Variants in SGK3 observed in about 807,000 individuals in gnomAD.
SGK3 encodes the protein serine/threonine-protein kinase Sgk3.
In SGK3, 47 loss-of-function variants were observed where a neutral mutation model predicts 68.5. The observed-to-expected ratio is 0.69, with a 90% CI of 0.54 to 0.87. The LOEUF (loss-of-function observed/expected upper bound fraction) is 0.87, where lower values mean the gene tolerates loss of function less well. Ranked by LOEUF, SGK3 falls within the 40% of genes least tolerant of loss-of-function variation. SGK3 has a pLI of 0.00. For missense variants in SGK3, 479 were observed against 575.5 expected, an observed-to-expected ratio of 0.83 and a Z score of 1.72; for synonymous variants, 181 against 189.1, an observed-to-expected ratio of 0.96 and a Z score of 0.35.
intron 4 of SGK3, among the ~76,000 whole-genome samples, chr8:66,804,830 T>C (rs1310481048): frequency 6.6e-6 from 1 of 152,216 alleles, no homozygotes; most frequent in African/African-American, 2.4e-5. Context: ...GGCTCACACC[T>C]GTAATCGAAA....
At chr8:66,851,455 A>G (rs1441353263) in intron 16 of SGK3, among the ~76,000 whole-genome samples, 2 of 152,054 alleles carry the variant, frequency 1.3e-5, no homozygotes, top group Non-Finnish European at 2.9e-5. Flanking sequence ...CAGGAGGTGG[A>G]GATTGCAGTG....
At chr8:66,856,034 A>C (rs1810493347) in intron 16 of SGK3, among the ~76,000 whole-genome samples, 2 of 151,966 alleles carry the variant, frequency 1.3e-5, no homozygotes, top group African/African-American at 4.8e-5. Context: ...TTGAACTCTA[A>C]CTCTCAGATA....
At chr8:66,798,464 A>C in intron 2 of SGK3, 78 bp from the exon 3 acceptor site, 1 of 1,295,932 alleles carries the variant, frequency 7.7e-7, no homozygotes, top group Non-Finnish European at 1.1e-6. Flanking sequence ...AAATTAAAAC[A>C]GGTTTCATGT....
chr8:66,767,751 C>T, intron 1 of SGK3: 1 of 1,572,022 alleles, frequency 6.4e-7, no homozygotes, highest in Non-Finnish European at 8.8e-7. Context: ...AAAAGCTTGG[C>T]TGTTTTTGTT....
At chr8:66,717,416 C>T (rs1804668974) in intron 1 of SGK3, among the ~76,000 whole-genome samples, 1 of 152,082 alleles carries the variant, frequency 6.6e-6, no homozygotes, top group Non-Finnish European at 1.5e-5. Context: ...GTAATCCCAG[C>T]TACTGGGGAG....
intron 16 of SGK3, among the ~76,000 whole-genome samples, chr8:66,857,893 C>T (rs1810588797): frequency 6.8e-6 from 1 of 146,516 alleles, no homozygotes; most frequent in Non-Finnish European, 1.5e-5. Context: ...GGAAAGTTAA[C>T]CACTGCCTTT....
intron 1 of SGK3, among the ~76,000 whole-genome samples, chr8:66,754,344 G>A (rs1041525203): frequency 2.0e-5 from 3 of 152,092 alleles, no homozygotes; most frequent in Admixed American, 6.6e-5. Context: ...CCATTTTTAC[G>A]TTGCTAATTA....
At chr8:66,774,839 A>G (rs1374412564) in intron 1 of SGK3, among the ~76,000 whole-genome samples, 2 of 151,804 alleles carry the variant, frequency 1.3e-5, no homozygotes, top group African/African-American at 4.8e-5. Context: ...TGTGACTCCT[A>G]CCCCGCCCGA....
intron 1 of SGK3, among the ~76,000 whole-genome samples, chr8:66,721,920 G>T (rs760715648): frequency 3.3e-5 from 5 of 152,154 alleles, no homozygotes; most frequent in Non-Finnish European, 5.9e-5. Context: ...TGGGCCAAAG[G>T]TTAGCAATCT....
chr8:66,758,125 G>A (rs529855584), intron 1 of SGK3, among the ~76,000 whole-genome samples: 3 of 151,784 alleles, frequency 2.0e-5, no homozygotes, highest in Non-Finnish European at 4.4e-5. Flanking sequence ...AGGCCAAGGC[G>A]GGTGGATCAC....
intron 13 of SGK3, among the ~76,000 whole-genome samples, chr8:66,842,790 C>T (rs964357426): frequency 3.9e-5 from 6 of 152,056 alleles, no homozygotes; most frequent in South Asian, 4.2e-4. Flanking sequence ...GTATTCTTGC[C>T]GGGTGCCGTG....
intron 1 of SGK3, among the ~76,000 whole-genome samples, chr8:66,748,811 TTGTCA>T (rs1375473350): frequency 6.6e-6 from 1 of 152,212 alleles, no homozygotes; most frequent in East Asian, 1.9e-4. Context: ...AATTTGAAAC[TTGTCA>T]TGTCAGAGTT....
chr8:66,819,644 A>C (rs1290903444), intron 5 of SGK3, among the ~76,000 whole-genome samples: 1 of 152,214 alleles, frequency 6.6e-6, no homozygotes, highest in African/African-American at 2.4e-5. Flanking sequence ...AAAAGACTGA[A>C]ATAAAATATG....
chr8:66,855,149 C>G (rs1810459225), intron 16 of SGK3, among the ~76,000 whole-genome samples: 1 of 152,036 alleles, frequency 6.6e-6, no homozygotes, highest in South Asian at 2.1e-4. Context: ...GACCCAGAAG[C>G]CATAAGAGAA....
chr8:66,812,619 T>TAAC (rs891383943), intron 4 of SGK3, among the ~76,000 whole-genome samples: 1 of 151,700 alleles, frequency 6.6e-6, no homozygotes, highest in Non-Finnish European at 1.5e-5. Flanking sequence ...CCACTAATAA[T>TAAC]AACAACAACA....
intron 1 of SGK3, among the ~76,000 whole-genome samples, chr8:66,741,121 A>G (rs1805466498): frequency 6.6e-6 from 1 of 152,152 alleles, no homozygotes; most frequent in Admixed American, 6.5e-5. Context: ...TAGACTTTCT[A>G]CAGAGTAAGT....
intron 2 of SGK3, among the ~76,000 whole-genome samples, chr8:66,796,557 C>T (rs1267200241): frequency 6.6e-5 from 10 of 151,614 alleles, no homozygotes; most frequent in South Asian, 2.1e-4. Context: ...CTCAGCCTCC[C>T]GAAGTGCTGG....
intron 4 of SGK3, among the ~76,000 whole-genome samples, chr8:66,807,848 T>C (rs1001861424): frequency 1.3e-5 from 2 of 152,210 alleles, no homozygotes; most frequent in African/African-American, 2.4e-5. Flanking sequence ...TGTGACACAA[T>C]TTTTAACAGA....
intron 14 of SGK3, 139 bp downstream of exon 14, chr8:66,843,686 C>A: frequency 1.3e-6 from 1 of 766,434 alleles, no homozygotes; most frequent in Non-Finnish European, 2.0e-6. Flanking sequence ...GAACCCAAAC[C>A]CACATTAGGA....
Sources: allele counts gnomAD v4.1 joint callset (sites outside exome capture counted in the v4.1 genomes callset), GRCh38; gene constraint gnomAD v4.1.1; transcripts MANE v1.5; gene names NCBI Gene and HGNC (gene_info 2026-07-23, HGNC 2026-07-21).